TMEM132D: variants seen among roughly 807,000 people sequenced by gnomAD.
TMEM132D encodes the protein mature OL transmembrane protein.
A neutral mutation model predicts 62.3 loss-of-function variants in TMEM132D; 21 were observed. That is an observed-to-expected ratio of 0.34 (90% CI 0.24 to 0.49). TMEM132D has a LOEUF of 0.49. TMEM132D is among the 20% of genes least tolerant of loss of function. TMEM132D has a pLI of 0.99. For synonymous variants in TMEM132D, 621 were observed against 575.6 expected (o/e 1.08, Z -1.13); for missense variants, 1,346 against 1,402.8 (o/e 0.96, Z 0.65).
chr12:129,717,879 C>T (rs573340245), intron 1 of TMEM132D, among the ~76,000 whole-genome samples: 20 of 152,246 alleles, frequency 1.3e-4, no homozygotes, highest in Admixed American at 2.6e-4. Flanking sequence ...GTCTCAAGTG[C>T]GCTCGTGCTG....
intron 6 of TMEM132D, among the ~76,000 whole-genome samples, chr12:129,082,991 C>T (rs1278413171): frequency 6.6e-6 from 1 of 152,078 alleles, no homozygotes; most frequent in East Asian, 1.9e-4. Flanking sequence ...TCCCAAAGTG[C>T]TGGGACTACA....
At chr12:129,426,386 A>G (rs1872498294) in intron 3 of TMEM132D, among the ~76,000 whole-genome samples, 1 of 152,250 alleles carries the variant, frequency 6.6e-6, no homozygotes, top group Non-Finnish European at 1.5e-5. Flanking sequence ...AAGGAGGCTC[A>G]GAAATAAATC....
chr12:129,646,206 T>C (rs1425136434), intron 2 of TMEM132D, among the ~76,000 whole-genome samples: 1 of 152,220 alleles, frequency 6.6e-6, no homozygotes, highest in Non-Finnish European at 1.5e-5. Context: ...ACAGCTCCCA[T>C]TACATTTTTC....
chr12:129,667,190 A>C (rs1880397901), intron 2 of TMEM132D, among the ~76,000 whole-genome samples: 1 of 152,196 alleles, frequency 6.6e-6, no homozygotes, highest in Admixed American at 6.5e-5. Context: ...GGGTTCTAAA[A>C]AGTTTATGAA....
At chr12:129,573,461 AG>A (rs1162470324) in intron 2 of TMEM132D, among the ~76,000 whole-genome samples, 1 of 152,122 alleles carries the variant, frequency 6.6e-6, no homozygotes, top group East Asian at 1.9e-4. Context: ...AGGGTGACCG[AG>A]GGAGGTCATG....
At chr12:129,673,750 TCTC>T (rs1216648892) in intron 2 of TMEM132D, among the ~76,000 whole-genome samples, 1 of 152,150 alleles carries the variant, frequency 6.6e-6, no homozygotes, top group African/African-American at 2.4e-5. Flanking sequence ...ATGTCCTGCT[TCTC>T]CTGGAAAAAC....
intron 2 of TMEM132D, among the ~76,000 whole-genome samples, chr12:129,606,872 T>C (rs545419981): frequency 3.7e-4 from 56 of 152,326 alleles, no homozygotes; most frequent in African/African-American, 1.3e-3. Flanking sequence ...CTCAAAATGC[T>C]ACCTGATTCT....
rs2135601133 is a variant in TMEM132D at position 129,073,850 on chromosome 12, G to C, written c.*25C>G. 1 of 1,511,834 alleles carries C rather than the reference G, an allele frequency of 6.6e-7. No homozygotes were observed. The highest frequency in any genetic ancestry group is 8.9e-7 in the Non-Finnish European group (1 of 1,129,070). 93.7% of individuals were successfully genotyped at this position (1,511,834 alleles called of 1,614,324 possible). Reference sequence around the variant, plus strand: ...GAATTAAAGGCTGAAAGGTGAGTGAGAACCAATGTCTGTGTGTGTCTGGCT... The same window carrying C: ...GAATTAAAGGCTGAAAGGTGAGTGACAACCAATGTCTGTGTGTGTCTGGCT... On this transcript the variant is annotated 3_prime_UTR_variant, in exon 9 of 9. Coordinates refer to ENST00000422113, the MANE Select transcript of TMEM132D (RefSeq NM_133448.3).
intron 4 of TMEM132D, among the ~76,000 whole-genome samples, chr12:129,329,790 A>C (rs1869047234): frequency 6.6e-6 from 1 of 152,170 alleles, no homozygotes; most frequent in Admixed American, 6.5e-5. Context: ...GCATAATCAC[A>C]GTACTGGAAG....
chr12:129,805,156 A>C (rs1261291098), intron 1 of TMEM132D, among the ~76,000 whole-genome samples: 2 of 151,670 alleles, frequency 1.3e-5, no homozygotes, highest in East Asian at 3.9e-4. Context: ...CCATCAAGCT[A>C]CCAATGCCTT....
intron 4 of TMEM132D, among the ~76,000 whole-genome samples, chr12:129,320,298 T>A (rs139659019): frequency 2.6e-5 from 4 of 152,158 alleles, no homozygotes; most frequent in African/African-American, 9.7e-5. Flanking sequence ...TAAACCATCA[T>A]CTCTGAGGAT....
At chr12:129,662,698 C>A (rs1880270733) in intron 2 of TMEM132D, among the ~76,000 whole-genome samples, 1 of 145,810 alleles carries the variant, frequency 6.9e-6, no homozygotes, top group African/African-American at 2.5e-5. Flanking sequence ...GAGGCTGAGG[C>A]AGGAGAATCG....
At chr12:129,728,164 C>A (rs1357319845) in intron 1 of TMEM132D, among the ~76,000 whole-genome samples, 3 of 152,174 alleles carry the variant, frequency 2.0e-5, no homozygotes, top group Non-Finnish European at 4.4e-5. Context: ...CACATCAATC[C>A]ATCATGAAAC....
intron 3 of TMEM132D, among the ~76,000 whole-genome samples, chr12:129,408,711 ACT>A (rs1871873017): frequency 6.6e-6 from 1 of 151,786 alleles, no homozygotes; most frequent in Non-Finnish European, 1.5e-5. Flanking sequence ...ATATTTATGA[ACT>A]CTCTGTAATA....
In TMEM132D at chr12:129,416,579, C is replaced by G. The variant is rs1872127400; in HGVS notation, c.1116-78762G>C. 2.0e-5 allele frequency among the ~76,000 whole-genome samples: 3 copies of G among 152,188 alleles called. No homozygotes were observed. The South Asian group carries it at 6.2e-4, about 32-fold the overall frequency. On this transcript the variant is annotated intron_variant, in intron 3 of 8. Transcript: ENST00000422113. ...TGCCTGACTGCCCTGGCCAGCACTT[C>G]CAATACTATGTTGAGTAGAAGTAGT...
intron 1 of TMEM132D, among the ~76,000 whole-genome samples, chr12:129,824,157 G>C (rs948747735): frequency 6.6e-6 from 1 of 152,132 alleles, no homozygotes; most frequent in Non-Finnish European, 1.5e-5. Context: ...AAGCATACAA[G>C]AAACCAGCTG....
chr12:129,145,276 C>G (rs981261179), intron 5 of TMEM132D, among the ~76,000 whole-genome samples: 1 of 152,062 alleles, frequency 6.6e-6, no homozygotes, highest in Non-Finnish European at 1.5e-5. Flanking sequence ...AATAACCTAC[C>G]AAGCTTGTTT....
intron 4 of TMEM132D, among the ~76,000 whole-genome samples, chr12:129,241,210 A>G (rs1274252713): frequency 6.6e-6 from 1 of 151,866 alleles, no homozygotes; most frequent in African/African-American, 2.4e-5. Context: ...TTTCCAATCA[A>G]CAAGTGAAGA....
At chr12:129,315,222 A>T (rs1230623350) in intron 4 of TMEM132D, among the ~76,000 whole-genome samples, 1 of 151,990 alleles carries the variant, frequency 6.6e-6, no homozygotes, top group Non-Finnish European at 1.5e-5. Flanking sequence ...GTCTTGTTCC[A>T]CTTCTCAGAG....
Sources: gnomAD v4.1 joint callset for allele counts (sites outside exome capture counted in the v4.1 genomes callset) on GRCh38, gnomAD v4.1.1 for gene constraint, MANE v1.5 for transcripts, NCBI Gene and HGNC (gene_info 2026-07-23, HGNC 2026-07-21) for gene names.